Variants in SLIT3 observed in about 807,000 individuals in gnomAD.
SLIT3 encodes slit guidance ligand 3, also known as slit homolog 3 protein.
In SLIT3, 68 loss-of-function variants were observed where a neutral mutation model predicts 184.0. The observed-to-expected ratio is 0.37, with a 90% CI of 0.30 to 0.45. The LOEUF (loss-of-function observed/expected upper bound fraction) is 0.45. Among genes scored for constraint, SLIT3 ranks in the 20% least tolerant of loss-of-function variants. SLIT3 has a pLI of 1.00. For missense variants in SLIT3, 1,707 were observed against 2,026.0 expected (o/e 0.84, Z 3.02); for synonymous variants, 831 against 828.6 (o/e 1.00, Z -0.05).
intron 3 of SLIT3, among the ~76,000 whole-genome samples, chr5:169,202,663 G>A (rs1212679515): frequency 6.6e-6 from 1 of 151,852 alleles, no homozygotes; most frequent in Non-Finnish European, 1.5e-5. Context: ...AGAAGGCTAT[G>A]AGAGTCTCAG....
intron 7 of SLIT3, among the ~76,000 whole-genome samples, chr5:168,820,931 G>A (rs768671970): frequency 1.3e-4 from 20 of 151,620 alleles, no homozygotes; most frequent in Middle Eastern, 6.3e-3. Context: ...CCTCTTCCCC[G>A]CTTCTCCACC....
At chr5:168,789,516 C>G in intron 11 of SLIT3, 44 bp downstream of exon 11, 1 of 1,485,942 alleles carries the variant, frequency 6.7e-7, no homozygotes, top group Non-Finnish European at 9.3e-7. Context: ...CCCTCCAGCG[C>G]CCCCCCTCCC....
At chr5:168,857,376 TTG>T (rs1758923317) in intron 5 of SLIT3, among the ~76,000 whole-genome samples, 1 of 108,408 alleles carries the variant, frequency 9.2e-6, no homozygotes, top group Admixed American at 1.0e-4. Flanking sequence ...GTTTTTGTTT[TTG>T]TTTTGTTTTG....
chr5:169,022,328 T>C (rs1187864743), intron 4 of SLIT3: 1 of 152,220 alleles, frequency 6.6e-6, no homozygotes, highest in African/African-American at 2.4e-5. Context: ...TGGACAGACT[T>C]AGGTTCCATG....
intron 3 of SLIT3, among the ~76,000 whole-genome samples, chr5:169,218,647 T>C (rs187477987): frequency 6.6e-6 from 1 of 152,366 alleles, no homozygotes; most frequent in East Asian, 1.9e-4. Flanking sequence ...ACTCCATTTC[T>C]TCATCTAGGC....
At chr5:168,980,375 C>A (rs778078975) in intron 4 of SLIT3, among the ~76,000 whole-genome samples, 3 of 152,138 alleles carry the variant, frequency 2.0e-5, no homozygotes, top group Non-Finnish European at 4.4e-5. Flanking sequence ...CCACAGAAGG[C>A]TCAAAATGCA....
intron 20 of SLIT3, among the ~76,000 whole-genome samples, chr5:168,726,035 C>T (rs1180144366): frequency 6.6e-6 from 1 of 152,112 alleles, no homozygotes; most frequent in African/African-American, 2.4e-5. Flanking sequence ...GCATATTGGA[C>T]TGATGTCCTT....
At chr5:168,720,979 G>T (rs904611686) in intron 23 of SLIT3, 1 of 152,166 alleles carries the variant, frequency 6.6e-6, no homozygotes, top group Non-Finnish European at 1.5e-5. Flanking sequence ...CTGACTGCTA[G>T]ACCTTGGCCA....
intron 10 of SLIT3, among the ~76,000 whole-genome samples, chr5:168,792,630 G>A (rs1191851968): frequency 6.6e-6 from 1 of 152,178 alleles, no homozygotes; most frequent in African/African-American, 2.4e-5. Flanking sequence ...GGAATGAGTT[G>A]CTCTGCCTAA....
At chr5:169,173,501 C>T (rs1220319995) in intron 4 of SLIT3, among the ~76,000 whole-genome samples, 4 of 152,118 alleles carry the variant, frequency 2.6e-5, no homozygotes, top group Non-Finnish European at 5.9e-5. Flanking sequence ...GATGCTGTCT[C>T]CTAGATCTGA....
intron 6 of SLIT3, among the ~76,000 whole-genome samples, chr5:168,834,615 A>C (rs1454132498): frequency 2.3e-5 from 3 of 132,982 alleles, no homozygotes; most frequent in Admixed American, 8.7e-5. Context: ...TGAGCCTGGG[A>C]GGTGGAGGTT....
chr5:168,928,151 G>A (rs529179613), intron 4 of SLIT3, among the ~76,000 whole-genome samples: 7 of 152,168 alleles, frequency 4.6e-5, no homozygotes, highest in Non-Finnish European at 1.0e-4. Flanking sequence ...AATGTGGCAT[G>A]TTCCAAATTT....
chr5:168,754,157 C>T (rs921978604), intron 16 of SLIT3, 150 bp from the exon 17 acceptor site: 18 of 768,810 alleles, frequency 2.3e-5, no homozygotes, highest in Admixed American at 2.3e-4. Context: ...CTGGGGCTCC[C>T]TGAACTTTGG....
chr5:168,810,603 T>TC (rs1757128150), intron 8 of SLIT3, among the ~76,000 whole-genome samples: 1 of 152,204 alleles, frequency 6.6e-6, no homozygotes, highest in African/African-American at 2.4e-5. Context: ...GCGTCTCCCC[T>TC]CTGGGGGGGA....
At chr5:168,794,658 C>A (rs1756503416) in intron 10 of SLIT3, among the ~76,000 whole-genome samples, 1 of 152,182 alleles carries the variant, frequency 6.6e-6, no homozygotes, top group Admixed American at 6.5e-5. Context: ...CGAGGCTTCT[C>A]ATTTCATGCA....
At chr5:169,148,737 C>T (rs1308104401) in intron 4 of SLIT3, among the ~76,000 whole-genome samples, 1 of 152,074 alleles carries the variant, frequency 6.6e-6, no homozygotes, top group Non-Finnish European at 1.5e-5. Flanking sequence ...ATGTATATTC[C>T]TTAAATAATG....
At chr5:169,075,317 A>G (rs893616147) in intron 4 of SLIT3, among the ~76,000 whole-genome samples, 16 of 152,120 alleles carry the variant, frequency 1.1e-4, no homozygotes, top group Admixed American at 3.3e-4. Flanking sequence ...TTTTGCATGT[A>G]TTTTTCCTGA....
chr5:168,844,460 A>G, intron 6 of SLIT3, 124 bp downstream of exon 6: 1 of 840,204 alleles, frequency 1.2e-6, no homozygotes, highest in Non-Finnish European at 1.9e-6. Context: ...TGCAGCAGAG[A>G]CCAGAAATGC....
At chr5:169,288,119 G>A (rs772748860) in intron 1 of SLIT3, among the ~76,000 whole-genome samples, 1 of 152,130 alleles carries the variant, frequency 6.6e-6, no homozygotes, top group Non-Finnish European at 1.5e-5. Context: ...CCTTGCAGCC[G>A]AGGAGGGGAA....
Sources: gnomAD v4.1 joint callset for allele counts (sites outside exome capture counted in the v4.1 genomes callset) on GRCh38, gnomAD v4.1.1 for gene constraint, MANE v1.5 for transcripts, NCBI Gene and HGNC (gene_info 2026-07-23, HGNC 2026-07-21) for gene names.